Variants in SF3A3 observed in about 807,000 individuals in gnomAD.
SF3A3 encodes SAP 61.
A neutral mutation model predicts 85.8 loss-of-function variants in SF3A3; 9 were observed. The ratio of observed to expected loss-of-function variants is 0.10; its 90% CI spans 0.06 to 0.18. The LOEUF is 0.18. SF3A3 is among the 10% of genes least tolerant of loss of function. The probability of loss-of-function intolerance (pLI) is 1.00; values close to 1 mark genes in which losing one functional copy is unlikely to be tolerated. For synonymous variants in SF3A3, 195 were observed against 204.4 expected, an observed-to-expected ratio of 0.95 and a Z score of 0.39; for missense variants, 306 against 593.3, an observed-to-expected ratio of 0.52 and a Z score of 5.03.
chr1:37,985,896 TTC>T (rs1397382890), intron 4 of SF3A3, among the ~76,000 whole-genome samples: 3 of 151,980 alleles, frequency 2.0e-5, no homozygotes, highest in Non-Finnish European at 4.4e-5. Flanking sequence ...ATAAGTATGC[TTC>T]TCTGTCTTCC....
At chr1:37,962,087 AAAAACAAAAC>A (rs138801605) in intron 15 of SF3A3, among the ~76,000 whole-genome samples, 31 of 146,066 alleles carry the variant, frequency 2.1e-4, no homozygotes, top group Non-Finnish European at 1.9e-4. Flanking sequence ...TCCGTCTCAA[AAAAACAAAAC>A]AAAACAAAAC....
chr1:37,984,291 T>G, intron 5 of SF3A3, 31 bp from the exon 6 acceptor site: 1 of 1,300,840 alleles, frequency 7.7e-7, no homozygotes, highest in South Asian at 1.2e-5. Context: ...AATGATTCAG[T>G]TTCTACAGAC....
intron 7 of SF3A3, among the ~76,000 whole-genome samples, 165 bp downstream of exon 7, chr1:37,981,564 G>A (rs115190749): frequency 0.013 from 2,040 of 152,212 alleles, 58 homozygotes; most frequent in African/African-American, 0.047. Flanking sequence ...CCAGACTATC[G>A]CAAAGGTTTT....
intron 4 of SF3A3, among the ~76,000 whole-genome samples, chr1:37,986,357 T>C (rs1646456906): frequency 6.6e-6 from 1 of 152,228 alleles, no homozygotes; most frequent in South Asian, 2.1e-4. Flanking sequence ...GCAGCAATCC[T>C]GGCAGATATA....
intron 15 of SF3A3, among the ~76,000 whole-genome samples, chr1:37,963,105 A>G (rs1038523784): frequency 6.6e-6 from 1 of 151,640 alleles, no homozygotes; most frequent in African/African-American, 2.4e-5. Flanking sequence ...AAAAAAAATC[A>G]CTGCAACTTA....
intron 15 of SF3A3, among the ~76,000 whole-genome samples, chr1:37,963,429 A>G (rs1426840677): frequency 6.6e-6 from 1 of 152,204 alleles, no homozygotes; most frequent in East Asian, 1.9e-4. Flanking sequence ...CATGATGGGT[A>G]GAAATAATAC....
intron 12 of SF3A3, among the ~76,000 whole-genome samples, chr1:37,973,081 A>T (rs1646354509): frequency 6.6e-6 from 1 of 152,140 alleles, no homozygotes; most frequent in Non-Finnish European, 1.5e-5. Flanking sequence ...CGGGAGGCTG[A>T]GGCAGGAGAA....
intron 16 of SF3A3, among the ~76,000 whole-genome samples, chr1:37,959,436 G>T (rs1646241975): frequency 6.7e-6 from 1 of 149,584 alleles, no homozygotes; most frequent in Non-Finnish European, 1.5e-5. Flanking sequence ...AAGAGACAGG[G>T]TCTTACTCTG....
intron 2 of SF3A3, among the ~76,000 whole-genome samples, chr1:37,988,393 T>C (rs948880692): frequency 6.6e-6 from 1 of 152,210 alleles, no homozygotes; most frequent in Non-Finnish European, 1.5e-5. Flanking sequence ...TCATATATTA[T>C]GTAACATCCC....
At chr1:37,980,145 C>T (rs1231626132) in intron 8 of SF3A3, among the ~76,000 whole-genome samples, 1 of 152,062 alleles carries the variant, frequency 6.6e-6, no homozygotes, top group Non-Finnish European at 1.5e-5. Context: ...TCACATACGG[C>T]CAGGTGCGGT....
At chr1:37,980,865 T>C in intron 7 of SF3A3, 141 bp from the exon 8 acceptor site, 1 of 532,504 alleles carries the variant, frequency 1.9e-6, no homozygotes. Context: ...TTTTTTTTTT[T>C]TGAGGCAGAG....
At chr1:37,989,813 C>G (rs1476358360) in intron 1 of SF3A3, 57 bp downstream of exon 1, 16 of 1,437,698 alleles carry the variant, frequency 1.1e-5, no homozygotes, top group Non-Finnish European at 1.6e-5. Flanking sequence ...TCTCAGAGGT[C>G]AAACACGGGA....
chr1:37,986,811 C>CAAAA (rs1186890843), intron 4 of SF3A3, among the ~76,000 whole-genome samples: 26,225 of 61,904 alleles, frequency 0.42, 7,961 homozygotes, highest in Admixed American at 0.54. Context: ...GACTCCATCT[C>CAAAA]AAAAAAAAAA....
At chr1:37,981,923 A>C in intron 6 of SF3A3, 112 bp from the exon 7 acceptor site, 2 of 677,830 alleles carry the variant, frequency 3.0e-6, no homozygotes, top group Non-Finnish European at 5.0e-6. Flanking sequence ...TAAAGAAGTA[A>C]CAAGGGCTGG....
chr1:37,978,851 AT>A, intron 10 of SF3A3, 24 bp from the exon 11 acceptor site: 1 of 1,572,814 alleles, frequency 6.4e-7, no homozygotes, highest in African/African-American at 1.3e-5. Flanking sequence ...ACGGCAAAGG[AT>A]TTTAGGGTTA....
At chr1:37,979,575 G>C in intron 8 of SF3A3, 42 bp from the exon 9 acceptor site, 1 of 1,529,542 alleles carries the variant, frequency 6.5e-7, no homozygotes, top group Non-Finnish European at 9.0e-7. Context: ...CCAGGTTTAG[G>C]CCAGGTGTGG....
chr1:37,983,017 C>T (rs984079587), intron 6 of SF3A3, among the ~76,000 whole-genome samples: 11 of 151,896 alleles, frequency 7.2e-5, no homozygotes, highest in South Asian at 2.1e-4. Flanking sequence ...CGGCTTACCG[C>T]GACCTCCGCC....
At chr1:37,986,983 T>C (rs533580309) in intron 4 of SF3A3, among the ~76,000 whole-genome samples, 1 of 152,184 alleles carries the variant, frequency 6.6e-6, no homozygotes, top group African/African-American at 2.4e-5. Context: ...GAGCAAAGAT[T>C]ATTCATCAGA....
In SF3A3 at chr1:37,976,099, T is replaced by C. The variant is rs7517590; in HGVS notation, c.1005+785A>G. Among the ~76,000 whole-genome samples, 525 of 150,858 alleles carry C rather than the reference T, an allele frequency of 3.5e-3. 1 individual carries two copies. The highest frequency in any genetic ancestry group is 8.4e-3 in the South Asian group (40 of 4,772). On this transcript the variant is annotated intron_variant, in intron 12 of 16. Coordinates refer to ENST00000373019, the MANE Select transcript of SF3A3 (RefSeq NM_006802.4). ...TGAACCCTGGAGGTGGAGGTTGCAGTGAGCCCGGATTACACCACTGTACTC... is the reference window on the plus strand; with the variant it reads ...TGAACCCTGGAGGTGGAGGTTGCAGCGAGCCCGGATTACACCACTGTACTC...
Sources: gnomAD v4.1 joint callset for allele counts (sites outside exome capture counted in the v4.1 genomes callset) on GRCh38, gnomAD v4.1.1 for gene constraint, MANE v1.5 for transcripts, NCBI Gene and HGNC (gene_info 2026-07-23, HGNC 2026-07-21) for gene names.